Variants in LRMDA observed in about 807,000 individuals in gnomAD.
LRMDA encodes leucine rich melanocyte differentiation associated.
Under a neutral mutation model 29.8 loss-of-function variants are expected in LRMDA, and 18 were observed. That is an observed-to-expected ratio of 0.60 (90% confidence interval 0.42 to 0.90). LRMDA has a LOEUF of 0.90. LRMDA is among the 40% of genes least tolerant of loss of function. LRMDA has a pLI of 0.00. For synonymous variants in LRMDA, 125 were observed against 109.4 expected (o/e 1.14, Z -0.89); for missense variants, 273 against 273.9 (o/e 1.00, Z 0.02).
intron 6 of LRMDA, among the ~76,000 whole-genome samples, chr10:76,521,456 T>A (rs1292147384): frequency 6.6e-6 from 1 of 152,226 alleles, no homozygotes; most frequent in Non-Finnish European, 1.5e-5. Flanking sequence ...TTTTAATGAC[T>A]ATCCAATGGT....
Position 76,260,311 on chromosome 10 carries a change from A to G in LRMDA, c.517-64090A>G, listed in dbSNP as rs553798846. Among the ~76,000 whole-genome samples, 304 of 151,938 alleles carry G rather than the reference A, an allele frequency of 2.0e-3. 3 individuals are homozygous for G. Among genetic ancestry groups the G allele is most frequent in the African/African-American group, 6.8e-3 (282 of 41,426 alleles). On this transcript the variant is annotated intron_variant, in intron 5 of 6. Transcript: ENST00000611255. ...TTATAGCCATTTTTTGCATGTTTTC[A>G]TGATGATGATGAAGATTTTCCAGAT... is the stretch of plus-strand genomic sequence containing the variant.
At chr10:75,571,239 A>C (rs1000544806) in intron 2 of LRMDA, among the ~76,000 whole-genome samples, 3 of 152,238 alleles carry the variant, frequency 2.0e-5, no homozygotes, top group African/African-American at 7.2e-5. Context: ...GTGGCTCATA[A>C]GCACATGCTA....
At chr10:76,048,401 G>C (rs574488047) in intron 4 of LRMDA, among the ~76,000 whole-genome samples, 1 of 152,286 alleles carries the variant, frequency 6.6e-6, no homozygotes, top group South Asian at 2.1e-4. Flanking sequence ...AAAAGGAAAA[G>C]AAGAGCTAAG....
At chr10:75,758,450 G>A (rs934169709) in intron 2 of LRMDA, among the ~76,000 whole-genome samples, 4 of 152,160 alleles carry the variant, frequency 2.6e-5, no homozygotes, top group Admixed American at 6.5e-5. Context: ...CCTCAGCCCC[G>A]GCTGGGACCC....
intron 6 of LRMDA, among the ~76,000 whole-genome samples, chr10:76,505,584 C>T (rs1842951468): frequency 6.6e-6 from 1 of 152,048 alleles, no homozygotes; most frequent in African/African-American, 2.4e-5. Flanking sequence ...ATGAAATTCT[C>T]ATAGTGAATT....
chr10:75,532,056 G>GAAAAAAA (rs60697116), intron 2 of LRMDA, among the ~76,000 whole-genome samples: 1,559 of 93,778 alleles, frequency 0.017, no homozygotes, highest in Non-Finnish European at 0.021. Flanking sequence ...AAGAAAGAAA[G>GAAAAAAA]AAAAAAAAAA....
chr10:75,794,055 G>A (rs1245813379), intron 2 of LRMDA, among the ~76,000 whole-genome samples: 1 of 152,216 alleles, frequency 6.6e-6, no homozygotes, highest in Non-Finnish European at 1.5e-5. Flanking sequence ...GCAGGCTGCA[G>A]TTGACCAGCA....
At chr10:75,458,978 G>C (rs1177602100) in intron 2 of LRMDA, among the ~76,000 whole-genome samples, 1 of 147,260 alleles carries the variant, frequency 6.8e-6, no homozygotes, top group Non-Finnish European at 1.5e-5. Context: ...TGGTTCAGTT[G>C]TAACTTCAGG....
chr10:75,889,810 C>T (rs1427273602), intron 2 of LRMDA, among the ~76,000 whole-genome samples: 6 of 152,206 alleles, frequency 3.9e-5, no homozygotes, highest in Admixed American at 1.3e-4. Flanking sequence ...GCTGGAGAGA[C>T]AAGACCATTC....
chr10:75,659,563 C>A (rs948396170), intron 2 of LRMDA, among the ~76,000 whole-genome samples: 2 of 152,192 alleles, frequency 1.3e-5, no homozygotes, highest in African/African-American at 4.8e-5. Flanking sequence ...ACTGTATTAT[C>A]TCACTTATAT....
chr10:75,674,544 A>G (rs150176204), intron 2 of LRMDA, among the ~76,000 whole-genome samples: 1 of 151,994 alleles, frequency 6.6e-6, no homozygotes, highest in Non-Finnish European at 1.5e-5. Flanking sequence ...TCACCCGGTG[A>G]TTGAATGTTA....
chr10:76,341,514 T>C (rs1289258977), intron 6 of LRMDA, among the ~76,000 whole-genome samples: 1 of 152,232 alleles, frequency 6.6e-6, no homozygotes, highest in Non-Finnish European at 1.5e-5. Context: ...TCATTGTTAT[T>C]CCAGTTAGTA....
At chr10:75,997,764 C>T (rs72813529) in intron 2 of LRMDA, among the ~76,000 whole-genome samples, 1,718 of 152,320 alleles carry the variant, frequency 0.011, 21 homozygotes, top group Middle Eastern at 0.031. Context: ...AGCTAGGTTA[C>T]AGTGTGGCCA....
At chr10:75,963,051 T>G (rs995820642) in intron 2 of LRMDA, among the ~76,000 whole-genome samples, 7 of 152,232 alleles carry the variant, frequency 4.6e-5, no homozygotes, top group African/African-American at 1.7e-4. Context: ...ATCTATTTAC[T>G]TATTTAGGTT....
intron 5 of LRMDA, among the ~76,000 whole-genome samples, chr10:76,310,265 G>A (rs1840613239): frequency 6.6e-6 from 1 of 152,142 alleles, no homozygotes; most frequent in South Asian, 2.1e-4. Flanking sequence ...AAAAAAGTTG[G>A]AATTGGCCAG....
At chr10:75,634,271 G>A (rs1841362972) in intron 2 of LRMDA, among the ~76,000 whole-genome samples, 1 of 152,148 alleles carries the variant, frequency 6.6e-6, no homozygotes, top group African/African-American at 2.4e-5. Flanking sequence ...TCTTAATTTT[G>A]GAAGATCTTG....
chr10:75,517,679 G>C (rs759739285), intron 2 of LRMDA, among the ~76,000 whole-genome samples: 8 of 152,126 alleles, frequency 5.3e-5, no homozygotes, highest in Non-Finnish European at 1.2e-4. Flanking sequence ...TTTCCTAATT[G>C]AATACTCTTT....
chr10:75,532,794 G>A (rs955302023), intron 2 of LRMDA, among the ~76,000 whole-genome samples: 3 of 152,106 alleles, frequency 2.0e-5, no homozygotes, highest in African/African-American at 7.2e-5. Flanking sequence ...GTGGCTCAGA[G>A]TCCCTGGGGT....
chr10:75,916,657 C>T (rs1845940507), intron 2 of LRMDA, among the ~76,000 whole-genome samples: 1 of 152,104 alleles, frequency 6.6e-6, no homozygotes, highest in African/African-American at 2.4e-5. Context: ...AGGGAAGTAA[C>T]CTGTGGCTTA....
Sources: gnomAD v4.1 joint callset for allele counts (sites outside exome capture counted in the v4.1 genomes callset) on GRCh38, gnomAD v4.1.1 for gene constraint, MANE v1.5 for transcripts, NCBI Gene and HGNC (gene_info 2026-07-23, HGNC 2026-07-21) for gene names.